SCNN1B: variants seen among roughly 807,000 people sequenced by gnomAD.
The protein encoded by SCNN1B is epithelial sodium channel subunit beta.
Under a neutral mutation model 65.3 loss-of-function variants are expected in SCNN1B, and 46 were observed. The observed-to-expected ratio is 0.70, with a 90% CI of 0.56 to 0.90. SCNN1B has a LOEUF of 0.90. Among genes scored for constraint, SCNN1B ranks in the 40% least tolerant of loss-of-function variants. SCNN1B has a pLI of 0.00. For synonymous variants in SCNN1B, 349 were observed against 330.6 expected (o/e 1.06, Z -0.60); for missense variants, 751 against 830.5 (o/e 0.90, Z 1.18).
upstream of SCNN1B, among the ~76,000 whole-genome samples, chr16:23,298,636 C>T (rs898841621): frequency 2.0e-5 from 3 of 152,272 alleles, no homozygotes; most frequent in South Asian, 2.1e-4. Flanking sequence ...TACCTCAAAA[C>T]GATCCACAGT....
chr16:23,328,437 C>T (rs1347300365), intron 1 of SCNN1B, among the ~76,000 whole-genome samples: 1 of 152,164 alleles, frequency 6.6e-6, no homozygotes, highest in African/African-American at 2.4e-5. Context: ...GAAGTCCATC[C>T]TTGTACATCT....
chr16:23,380,314 C>G lies in SCNN1B; in HGVS notation c.1543-107C>G, dbSNP rs934163743. Reference sequence around the variant, plus strand: ...AGTTATTCCCCTGGGCCAAGATGGTCACCCCCTCCCGTTCCCACCCAAGAA... The same window carrying G: ...AGTTATTCCCCTGGGCCAAGATGGTGACCCCCTCCCGTTCCCACCCAAGAA... On this transcript the variant is annotated intron_variant, in intron 12 of 12. Coordinates refer to ENST00000343070, the MANE Select transcript of SCNN1B (RefSeq NM_000336.3). The surrounding 1 kb of genome is among the most constrained non-coding windows in gnomAD (Gnocchi z 5.4). The G allele has an allele frequency of 1.3e-6, 2 of 1,572,160 alleles. No homozygotes were observed. The highest frequency in any genetic ancestry group is 1.7e-6 in the Non-Finnish European group (2 of 1,145,012).
intron 4 of SCNN1B, among the ~76,000 whole-genome samples, chr16:23,360,203 A>AAT (rs1453977479): frequency 1.5e-5 from 2 of 134,084 alleles, no homozygotes; most frequent in Non-Finnish European, 3.3e-5. Flanking sequence ...ATCTCAAAAA[A>AAT]ATAAATAAAT....
At chr16:23,366,466 G>T (rs1302096995) in intron 4 of SCNN1B, among the ~76,000 whole-genome samples, 3 of 151,950 alleles carry the variant, frequency 2.0e-5, no homozygotes, top group Non-Finnish European at 2.9e-5. Flanking sequence ...GGGTGCAGTG[G>T]CTCACGCCTG....
intron 2 of SCNN1B, among the ~76,000 whole-genome samples, chr16:23,289,178 C>T (rs1027224960): frequency 3.3e-5 from 5 of 152,198 alleles, no homozygotes; most frequent in African/African-American, 1.2e-4. Flanking sequence ...TAGCACCCTT[C>T]GAAGATGACT....
intron 1 of SCNN1B, among the ~76,000 whole-genome samples, chr16:23,327,357 C>T (rs1305683654): frequency 6.6e-6 from 1 of 152,066 alleles, no homozygotes; most frequent in Admixed American, 6.6e-5. Flanking sequence ...CATGGTGAAA[C>T]CTCCATCTCT....
intron 1 of SCNN1B, among the ~76,000 whole-genome samples, chr16:23,279,594 A>G (rs1960755773): frequency 6.6e-6 from 1 of 152,226 alleles, no homozygotes; most frequent in African/African-American, 2.4e-5. Flanking sequence ...TCCTCCGCAT[A>G]TAGCTTATCT....
chr16:23,297,804 C>A (rs1169209585), upstream of SCNN1B, among the ~76,000 whole-genome samples: 4 of 152,134 alleles, frequency 2.6e-5, no homozygotes, highest in East Asian at 1.9e-4. Flanking sequence ...GAAGTCAACA[C>A]CCCTAAGATC....
At chr16:23,346,571 TCCAAAGGTTC>T (rs1962193237) in intron 1 of SCNN1B, among the ~76,000 whole-genome samples, 1 of 152,044 alleles carries the variant, frequency 6.6e-6, no homozygotes, top group Non-Finnish European at 1.5e-5. Flanking sequence ...CCCTCATGCC[TCCAAAGGTTC>T]CAGTTCTCTT....
At position 23,377,365 on chromosome 16, in the gene SCNN1B, C is replaced by T; in HGVS notation, c.1383C>T (p.Asp461=). ...TQYKMTISMA[D]WPSEASEDWI... is the part of the protein sequence containing the mutation. ...ACAAGATGACCATCTCCATGGCTGA[C>T]TGGCCTTCTGAGGCCTCCGAGGTGA... The change falls in exon 10 of 13, where the codon GAC becomes GAT. Residue 461 remains aspartate, a synonymous_variant. Transcript: ENST00000343070. 6.2e-7 allele frequency: 1 copy of T among 1,614,224 alleles called. No homozygotes were observed. The highest frequency in any genetic ancestry group is 8.5e-7 in the Non-Finnish European group (1 of 1,180,036).
intron 1 of SCNN1B, among the ~76,000 whole-genome samples, chr16:23,343,581 G>GAGAAAGAAAGAAGAAAGAA (rs1962108648): frequency 1.4e-5 from 1 of 70,324 alleles, no homozygotes; most frequent in Non-Finnish European, 2.6e-5. Context: ...GAAAGAAAAA[G>GAGAAAGAAAGAAGAAAGAA]AGAAAGAAAG....
chr16:23,348,471 G>A lies in SCNN1B; in HGVS notation c.-8-121G>A. ...AGGAAAAAAGGGAGGGAGGGAGGGG[G>A]GAGGGTAAAGAGGGAGGAAGAACGG... On this transcript the variant is annotated intron_variant, in intron 1 of 12. Transcript: ENST00000343070. The surrounding 1 kb of genome is among the most constrained non-coding windows in gnomAD (Gnocchi z 4.5). The A allele has an allele frequency of 1.3e-6, 1 of 747,374 alleles. No individual in the cohort carries two copies. The highest frequency in any genetic ancestry group is 2.2e-6 in the Non-Finnish European group (1 of 463,014). The allele number at this position is 747,374 out of a possible 1,614,324, so 46.3% of individuals were successfully genotyped here.
At chr16:23,301,372 AAG>A (rs1327213867), upstream of SCNN1B, among the ~76,000 whole-genome samples, 11 of 151,526 alleles carry the variant, frequency 7.3e-5, no homozygotes, top group Middle Eastern at 3.4e-3. Flanking sequence ...AAAAAAAAGA[AAG>A]AAAGAAAGAA....
chr16:23,311,513 T>C (rs970911213), intron 1 of SCNN1B, among the ~76,000 whole-genome samples: 8 of 152,114 alleles, frequency 5.3e-5, no homozygotes, highest in Non-Finnish European at 1.0e-4. Context: ...TGTGTGGAGG[T>C]TGTTGATTCT....
chr16:23,338,178 G>T (rs1462187998), intron 1 of SCNN1B, among the ~76,000 whole-genome samples: 1 of 152,254 alleles, frequency 6.6e-6, no homozygotes, highest in African/African-American at 2.4e-5. Context: ...AGTCAAAAAT[G>T]GTATTTAGAG....
chr16:23,341,110 T>C (rs773419311), intron 1 of SCNN1B, among the ~76,000 whole-genome samples: 8 of 152,208 alleles, frequency 5.3e-5, no homozygotes, highest in Non-Finnish European at 1.2e-4. Context: ...TTAACAATAT[T>C]GAGTCTTCTA....
At chr16:23,342,564 TA>T (rs1567303822) in intron 1 of SCNN1B, among the ~76,000 whole-genome samples, 2 of 152,136 alleles carry the variant, frequency 1.3e-5, no homozygotes, top group African/African-American at 4.8e-5. Context: ...CTGTTTCTAT[TA>T]GGGGTGTCCA....
At position 23,381,090 on chromosome 16, in the gene SCNN1B, C is replaced by A; in HGVS notation, c.*289C>A. The A allele has an allele frequency of 2.1e-6, 1 of 478,170 alleles. No homozygotes were observed. The highest frequency in any genetic ancestry group is 2.2e-5 in the South Asian group (1 of 45,232). The allele number at this position is 478,170 out of a possible 1,614,324, so 29.6% of individuals were successfully genotyped here. Reference sequence around the variant, plus strand: ...TCCTGAAGACCCCTCGGAACACCCTCTCCTGGTGGCAGGCCACTTCCCTCC... The same window carrying A: ...TCCTGAAGACCCCTCGGAACACCCTATCCTGGTGGCAGGCCACTTCCCTCC... On this transcript the variant is annotated 3_prime_UTR_variant, in exon 13 of 13. Coordinates refer to ENST00000343070, the MANE Select transcript of SCNN1B (RefSeq NM_000336.3).
At position 23,371,457 on chromosome 16, in the gene SCNN1B, C is replaced by T; in HGVS notation, c.1039C>T (p.Leu347Phe). 3 of 1,613,742 alleles carry T rather than the reference C, an allele frequency of 1.9e-6. No individual in the cohort carries two copies. The highest frequency in any genetic ancestry group is 1.7e-4 in the Middle Eastern group (1 of 5,758). Reference sequence around the variant, plus strand: ...GGGGACAGAGACGTCCATCGGGGTACTCGTGGTATGGCCGGAGCCCAAGGG... The same window carrying T: ...GGGGACAGAGACGTCCATCGGGGTATTCGTGGTATGGCCGGAGCCCAAGGG... The part of the protein sequence containing the change: ...MSGTETSIGV[L>F]VDKLQRMGEP... The change falls in exon 6 of 13, where the codon CTC becomes TTC. Residue 347 changes from leucine (L) to phenylalanine (F), a missense_variant. By Grantham distance (22) the Leu-to-Phe change is conservative. Coordinates refer to ENST00000343070, the MANE Select transcript of SCNN1B (RefSeq NM_000336.3).
Sources: gnomAD v4.1 joint callset for allele counts (sites outside exome capture counted in the v4.1 genomes callset) on GRCh38, gnomAD v4.1.1 for gene constraint, Gnocchi (gnomAD v3.1) non-coding constraint, MANE v1.5 for transcripts, NCBI Gene and HGNC (gene_info 2026-07-23, HGNC 2026-07-21) for gene names.